Variants in TNS1 observed in about 807,000 individuals in gnomAD.
The protein encoded by TNS1 is tensin 1.
In TNS1, 62 loss-of-function variants were observed where a neutral mutation model predicts 168.6. The observed-to-expected ratio is 0.37, with a 90% CI of 0.30 to 0.45. The LOEUF (loss-of-function observed/expected upper bound fraction) is 0.45, where lower values mean the gene tolerates loss of function less well. Ranked by LOEUF, TNS1 falls within the 20% of genes least tolerant of loss-of-function variation. TNS1 has a pLI of 1.00. For missense variants in TNS1, 2,240 were observed against 2,339.4 expected (o/e 0.96, Z 0.88); for synonymous variants, 934 against 933.2 (o/e 1.00, Z -0.02).
At chr2:217,917,829 C>CAAAAAAAAAAAAAAAAAAAAAAA (rs79888115) in intron 4 of TNS1, among the ~76,000 whole-genome samples, 1 of 75,988 alleles carries the variant, frequency 1.3e-5, no homozygotes, top group African/African-American at 4.5e-5. Context: ...AGACTGTTCT[C>CAAAAAAAAAAAAAAAAAAAAAAA]AAAAAAAAAA....
intron 18 of TNS1, chr2:217,850,444 C>G: frequency 1.0e-6 from 1 of 985,344 alleles, no homozygotes; most frequent in Non-Finnish European, 1.2e-6. Context: ...CTGAGCAACA[C>G]TTTCTCTGGA....
Position 217,848,157 on chromosome 2 carries a change from G to A in TNS1, c.2360C>T (p.Pro787Leu), listed in dbSNP as rs774991200. 2 of 1,602,498 alleles carry A rather than the reference G, an allele frequency of 1.2e-6. No homozygotes were observed. The highest frequency in any genetic ancestry group is 2.3e-5 in the South Asian group (2 of 88,254). ...QQQQQQQQPR[P>L]PPRQQERAHL... ...GGCTCTTTCCTGCTGGCGTGGAGGT[G>A]GGCGAGGCTGCTGCTGCTGCTGCTG... Residue 787 changes from proline (P) to leucine (L), a missense_variant, in exon 19 of 33, where the codon CCA becomes CTA. Physicochemically the swap from Pro to Leu is moderately conservative, Grantham distance 98. Coordinates refer to ENST00000682258, the MANE Select transcript of TNS1 (RefSeq NM_001387777.1).
Position 217,853,733 on chromosome 2 carries a change from G to C in TNS1, c.1430-4646C>G, listed in dbSNP as rs377679349. On this transcript the variant is annotated intron_variant, in intron 18 of 32. Transcript: ENST00000682258. ...GATGCTGAGCTTGATTGCACCACGGGGCCTTTATTCCAGGGCAGCCATAAT... is the reference window on the plus strand; with the variant it reads ...GATGCTGAGCTTGATTGCACCACGGCGCCTTTATTCCAGGGCAGCCATAAT... Among the ~76,000 whole-genome samples, 11 of 152,240 alleles carry C rather than the reference G, an allele frequency of 7.2e-5. No homozygotes were observed. The East Asian group carries it at 1.9e-3, about 27-fold the overall frequency.
At position 217,848,698 on chromosome 2, in the gene TNS1, G is replaced by A; in HGVS notation, c.1819C>T (p.Pro607Ser). 6.2e-7 allele frequency: 1 copy of A among 1,614,198 alleles called. No homozygotes were observed. The highest frequency in any genetic ancestry group is 8.5e-7 in the Non-Finnish European group (1 of 1,180,026). The change falls in exon 19 of 33, where the codon CCA becomes TCA. Residue 607 changes from proline (P) to serine (S), a missense_variant. Transcript: ENST00000682258. Reference protein sequence around the residue: ...AVPSSGRHVVPAQVHVNGGAL... With the variant: ...AVPSSGRHVVSAQVHVNGGAL... ...CCACCATTGACATGAACCTGGGCTG[G>A]GACAACGTGGCGTCCAGAGGAGGGC...
intron 3 of TNS1, among the ~76,000 whole-genome samples, chr2:217,956,392 G>T (rs1297379114): frequency 2.6e-5 from 4 of 152,000 alleles, no homozygotes; most frequent in Admixed American, 6.6e-5. Flanking sequence ...GTGATACAGA[G>T]TCCTGAGGGG....
At chr2:218,017,203 C>G (rs976800673) in intron 1 of TNS1, among the ~76,000 whole-genome samples, 3 of 152,210 alleles carry the variant, frequency 2.0e-5, no homozygotes, top group Admixed American at 1.3e-4. Context: ...GAACTTGATT[C>G]CTTCCTCTCT....
At chr2:217,905,571 G>A in intron 6 of TNS1, 1 of 269,660 alleles carries the variant, frequency 3.7e-6, no homozygotes, top group Non-Finnish European at 7.5e-6. Flanking sequence ...CTACCCCTGT[G>A]CCAACCACCA....
intron 12 of TNS1, among the ~76,000 whole-genome samples, chr2:217,888,190 G>A (rs565361334): frequency 5.9e-5 from 9 of 152,286 alleles, no homozygotes; most frequent in East Asian, 3.9e-4. Context: ...TCTCTGGATC[G>A]TGCCAACAGG....
intron 3 of TNS1, among the ~76,000 whole-genome samples, chr2:217,922,587 G>C (rs1261571515): frequency 1.3e-5 from 2 of 152,216 alleles, no homozygotes; most frequent in Admixed American, 6.5e-5. Flanking sequence ...AAAAGGGAGG[G>C]AGGGGGTTAT....
upstream of TNS1, among the ~76,000 whole-genome samples, chr2:218,015,011 A>C (rs947928787): frequency 2.0e-5 from 3 of 152,166 alleles, no homozygotes; most frequent in Non-Finnish European, 4.4e-5. Flanking sequence ...ATTATGGGCC[A>C]GTAGGAATTG....
chr2:217,845,158 T>C (rs927719913), intron 19 of TNS1, among the ~76,000 whole-genome samples: 1 of 152,158 alleles, frequency 6.6e-6, no homozygotes, highest in Non-Finnish European at 1.5e-5. Flanking sequence ...GACTTGAGAC[T>C]GAGGTATGGA....
intron 4 of TNS1, among the ~76,000 whole-genome samples, chr2:217,914,949 C>T (rs889363472): frequency 1.3e-5 from 2 of 152,196 alleles, no homozygotes; most frequent in African/African-American, 4.8e-5. Context: ...TGTGCCCGTC[C>T]CACGTCTTCT....
At chr2:217,951,993 G>A (rs1957254489) in intron 3 of TNS1, among the ~76,000 whole-genome samples, 1 of 152,228 alleles carries the variant, frequency 6.6e-6, no homozygotes, top group African/African-American at 2.4e-5. Flanking sequence ...GCCCTGTGAG[G>A]CCCTCCAGGC....
intron 2 of TNS1, chr2:217,979,077 CAAAGGGGGGGGT>C (rs1469953072): frequency 4.7e-6 from 2 of 429,782 alleles, no homozygotes; most frequent in African/African-American, 2.1e-5. Flanking sequence ...GTGGGGGGAG[CAAAGGGGGGGGT>C]CCCCCACTGG....
intron 3 of TNS1, among the ~76,000 whole-genome samples, chr2:217,969,411 T>C (rs1957724388): frequency 6.6e-6 from 1 of 151,782 alleles, no homozygotes; most frequent in Non-Finnish European, 1.5e-5. Flanking sequence ...GATTTGGCAA[T>C]AAATTCTTAG....
intron 18 of TNS1, among the ~76,000 whole-genome samples, chr2:217,876,997 C>T (rs113014622): frequency 5.9e-5 from 9 of 152,324 alleles, no homozygotes; most frequent in African/African-American, 2.2e-4. Context: ...GAAGGCACTG[C>T]TCTGGGAGTA....
At chr2:217,883,936 T>A (rs1950920983) in intron 16 of TNS1, among the ~76,000 whole-genome samples, 1 of 152,212 alleles carries the variant, frequency 6.6e-6, no homozygotes, top group Non-Finnish European at 1.5e-5. Context: ...AAGGATGGCA[T>A]CTGCTCCATG....
chr2:217,824,916 C>T (rs540009175), intron 22 of TNS1, among the ~76,000 whole-genome samples: 4 of 152,212 alleles, frequency 2.6e-5, no homozygotes, highest in South Asian at 4.2e-4. Flanking sequence ...ATCTGTGTGC[C>T]GAGCCCTCAC....
chr2:217,809,791 A>T (rs13389312), intron 30 of TNS1, 32 bp downstream of exon 30: 122,892 of 1,595,728 alleles, frequency 0.077, 5,237 homozygotes, highest in South Asian at 0.12. Context: ...AGGAAGGAGA[A>T]CCCCACCGAG....
Sources: allele counts gnomAD v4.1 joint callset (sites outside exome capture counted in the v4.1 genomes callset), GRCh38; gene constraint gnomAD v4.1.1; transcripts MANE v1.5; gene names NCBI Gene and HGNC (gene_info 2026-07-23, HGNC 2026-07-21).